The following S100P variants were observed in gnomAD, a reference collection of about 807,000 sequenced individuals.
S100P encodes the protein S100 calcium binding protein P, also known as protein S100-P.
In S100P, 7 loss-of-function variants were observed where a neutral mutation model predicts 4.7. That is an observed-to-expected ratio of 1.48 (90% CI 0.84 to 2.77). The LOEUF is 2.77. S100P is among the 30% of genes most tolerant of loss of function. S100P has a pLI of 0.00. For synonymous variants in S100P, 48 were observed against 49.0 expected, an observed-to-expected ratio of 0.98 and a Z score of 0.08; for missense variants, 122 against 120.6, an observed-to-expected ratio of 1.01 and a Z score of -0.06.
At chr4:6,694,294 T>G (rs1478186950) in intron 1 of S100P, among the ~76,000 whole-genome samples, 1 of 152,162 alleles carries the variant, frequency 6.6e-6, no homozygotes, top group East Asian at 1.9e-4. Context: ...GTGGTCAGCT[T>G]GATCCTTGAA....
intron 1 of S100P, 100 bp downstream of exon 1, chr4:6,694,170 G>A (rs1714314423): frequency 1.8e-6 from 2 of 1,133,844 alleles, no homozygotes; most frequent in East Asian, 5.1e-5. Context: ...CGGCGGTCAA[G>A]GGGCTCAGAG....
intron 1 of S100P, among the ~76,000 whole-genome samples, chr4:6,696,240 C>T (rs914896780): frequency 2.0e-5 from 3 of 152,154 alleles, no homozygotes; most frequent in African/African-American, 4.8e-5. Context: ...AGAGCCCTGC[C>T]GGCCTGGCCT....
chr4:6,694,126 G>A (rs545595778), intron 1 of S100P, 56 bp downstream of exon 1: 88 of 1,526,400 alleles, frequency 5.8e-5, no homozygotes, highest in African/African-American at 5.5e-4. Flanking sequence ...AGGGGAAGGC[G>A]TGGCAGGCAG....
At chr4:6,694,227 C>T (rs550821946) in intron 1 of S100P, among the ~76,000 whole-genome samples, 157 bp downstream of exon 1, 6 of 152,314 alleles carry the variant, frequency 3.9e-5, no homozygotes, top group Non-Finnish European at 5.9e-5. Context: ...AGCCAAGGAA[C>T]GGACCCACCC....
intron 1 of S100P, among the ~76,000 whole-genome samples, chr4:6,695,603 C>G (rs1443947752): frequency 6.6e-6 from 1 of 152,184 alleles, no homozygotes; most frequent in African/African-American, 2.4e-5. Flanking sequence ...GGACTTTGAT[C>G]CAAGATACTG....
At chr4:6,696,613 G>A (rs1038431995) in intron 1 of S100P, among the ~76,000 whole-genome samples, 4 of 152,218 alleles carry the variant, frequency 2.6e-5, no homozygotes, top group East Asian at 1.9e-4. Flanking sequence ...GACAACCCCC[G>A]GCAAAAACTC....
intron 1 of S100P, among the ~76,000 whole-genome samples, chr4:6,696,509 G>A (rs1401911623): frequency 6.6e-6 from 1 of 152,212 alleles, no homozygotes; most frequent in Non-Finnish European, 1.5e-5. Context: ...CGAGATGGGA[G>A]GCCCATGAAG....
intron 1 of S100P, among the ~76,000 whole-genome samples, chr4:6,694,854 G>A (rs1331713958): frequency 1.3e-5 from 2 of 152,056 alleles, no homozygotes; most frequent in African/African-American, 4.8e-5. Flanking sequence ...CTGCTAAGGG[G>A]CTAACCCACA....
chr4:6,694,173 G>C, intron 1 of S100P, 103 bp downstream of exon 1: 1 of 1,134,582 alleles, frequency 8.8e-7, no homozygotes, highest in Non-Finnish European at 1.2e-6. Flanking sequence ...CGGTCAAGGG[G>C]CTCAGAGGCA....
intron 1 of S100P, among the ~76,000 whole-genome samples, chr4:6,694,449 C>A (rs538504207): frequency 6.6e-6 from 1 of 152,354 alleles, no homozygotes; most frequent in African/African-American, 2.4e-5. Context: ...GCCCTCGGGG[C>A]TGTCCTCCAA....
chr4:6,694,566 C>T (rs1053935525), intron 1 of S100P, among the ~76,000 whole-genome samples: 2 of 152,152 alleles, frequency 1.3e-5, no homozygotes, highest in African/African-American at 4.8e-5. Context: ...GCAGGAAGGA[C>T]GGGAGGAGGC....
intron 1 of S100P, among the ~76,000 whole-genome samples, chr4:6,696,633 C>T (rs1239301376): frequency 1.3e-5 from 2 of 152,272 alleles, no homozygotes; most frequent in African/African-American, 4.8e-5. Flanking sequence ...CAAAATGAAA[C>T]TCCCTCTCGC....
intron 1 of S100P, among the ~76,000 whole-genome samples, chr4:6,695,231 G>A (rs888656318): frequency 3.0e-4 from 46 of 152,156 alleles, no homozygotes; most frequent in African/African-American, 1.0e-3. Context: ...ATCTCAAAGT[G>A]CTGTGATTAC....
chr4:6,694,256 G>C (rs73089274), intron 1 of S100P, among the ~76,000 whole-genome samples, 186 bp downstream of exon 1: 2,180 of 152,360 alleles, frequency 0.014, 46 homozygotes, highest in African/African-American at 0.05. Flanking sequence ...AGGCAGGGGA[G>C]GCGGGAGCAT....
intron 1 of S100P, among the ~76,000 whole-genome samples, chr4:6,695,219 A>C (rs1279102427): frequency 6.6e-6 from 1 of 152,150 alleles, no homozygotes; most frequent in Non-Finnish European, 1.5e-5. Context: ...GTCAGCCTCG[A>C]CATCTCAAAG....
In S100P at chr4:6,693,953, C is replaced by T; in HGVS notation, c.21C>T (p.Ala7=). 1 of 1,614,178 alleles carries T rather than the reference C, an allele frequency of 6.2e-7. No homozygotes were observed. The highest frequency in any genetic ancestry group is 8.5e-7 in the Non-Finnish European group (1 of 1,180,030). The change falls in exon 1 of 2, where the codon GCC becomes GCT. Residue 7 remains alanine, a synonymous_variant. Transcript: ENST00000296370. MTELET[A]MGMIIDVFSR... ...GCACCATGACGGAACTAGAGACAGC[C>T]ATGGGCATGATCATAGACGTCTTTT... is the stretch of plus-strand genomic sequence containing the variant.
Position 6,697,090 on chromosome 4 carries a change from T to C in S100P, c.*48T>C. On this transcript the variant is annotated 3_prime_UTR_variant, in exon 2 of 2. Coordinates refer to ENST00000296370, the MANE Select transcript of S100P (RefSeq NM_005980.3). The stretch of plus-strand genomic sequence containing the variant: ...CCTGGCAGAGCCATGGTCCCAGGCT[T>C]CCCAAAAGTGTTTGTTGGCAATTAT... 1 of 1,531,076 alleles carries C rather than the reference T, an allele frequency of 6.5e-7. No individual in the cohort carries two copies. The highest frequency in any genetic ancestry group is 1.2e-5 in the South Asian group (1 of 83,634). 94.8% of individuals were successfully genotyped at this position (1,531,076 alleles called of 1,614,324 possible).
chr4:6,697,030 A>T lies in S100P; in HGVS notation c.276A>T (p.Ala92=). The T allele has an allele frequency of 6.2e-7, 1 of 1,613,032 alleles. No homozygotes were observed. The highest frequency in any genetic ancestry group is 8.5e-7 in the Non-Finnish European group (1 of 1,179,310). Residue 92 remains alanine, a synonymous_variant, in exon 2 of 2, where the codon GCA becomes GCT. Transcript: ENST00000296370. ...TSACHKYFEK[A]GLK ...CCTGTCACAAGTACTTTGAGAAGGC[A>T]GGACTCAAATGATGCCCTGGAGATG...
intron 1 of S100P, among the ~76,000 whole-genome samples, chr4:6,694,310 G>C (rs1421725330): frequency 3.3e-5 from 5 of 152,224 alleles, no homozygotes; most frequent in African/African-American, 1.2e-4. Flanking sequence ...TTGAAACATG[G>C]GGTTGACCCC....
Sources: allele counts gnomAD v4.1 joint callset (sites outside exome capture counted in the v4.1 genomes callset), GRCh38; gene constraint gnomAD v4.1.1; transcripts MANE v1.5; gene names NCBI Gene and HGNC (gene_info 2026-07-23, HGNC 2026-07-21).